The following COA1 variants were observed in gnomAD, a reference collection of about 807,000 sequenced individuals.
The protein encoded by COA1 is cytochrome c oxidase assembly factor 1.
COA1 carries 13 observed loss-of-function variants against 16.0 expected under a neutral mutation model. The observed-to-expected ratio is 0.81, with a 90% CI of 0.53 to 1.29. COA1 has a LOEUF of 1.29. COA1 is among the 50% of genes most tolerant of loss of function. COA1 has a pLI of 0.00. For missense variants in COA1, 179 were observed against 177.0 expected (o/e 1.01, Z -0.06); for synonymous variants, 65 against 65.7 (o/e 0.99, Z 0.05).
intron 1 of COA1, among the ~76,000 whole-genome samples, chr7:43,688,793 G>T (rs979110398): frequency 6.6e-6 from 1 of 152,216 alleles, no homozygotes; most frequent in Non-Finnish European, 1.5e-5. Context: ...ATAATAGCCA[G>T]TAGGAAAGAG....
chr7:43,609,074 A>G (rs2082660369), exon 7 of COA1: 1 of 152,324 alleles, frequency 6.6e-6, no homozygotes, highest in Non-Finnish European at 1.5e-5. Flanking sequence ...AAAACAAGGA[A>G]ATTTTAGTGG....
At chr7:43,675,193 AACG>A (rs1194542965) in intron 1 of COA1, among the ~76,000 whole-genome samples, 2 of 152,220 alleles carry the variant, frequency 1.3e-5, no homozygotes, top group Admixed American at 6.5e-5. Flanking sequence ...AATGTCCAAC[AACG>A]ATAGACTGGA....
chr7:43,678,701 T>C (rs1335290841), intron 1 of COA1, among the ~76,000 whole-genome samples: 2 of 152,066 alleles, frequency 1.3e-5, no homozygotes, highest in Non-Finnish European at 2.9e-5. Context: ...AATAGGCATA[T>C]GAAAAGATGC....
At chr7:43,669,697 A>G (rs1206353063) in intron 1 of COA1, among the ~76,000 whole-genome samples, 3 of 151,964 alleles carry the variant, frequency 2.0e-5, no homozygotes, top group Non-Finnish European at 4.4e-5. Flanking sequence ...ATCTTTGTAC[A>G]GGGGAGCTGT....
intron 1 of COA1, among the ~76,000 whole-genome samples, chr7:43,721,822 C>T (rs902665509): frequency 1.3e-5 from 2 of 151,492 alleles, no homozygotes; most frequent in East Asian, 1.9e-4. Flanking sequence ...ATACTCAGTA[C>T]CATGGGAAAA....
chr7:43,648,907 C>T (rs1212127229), intron 1 of COA1: 1 of 396,104 alleles, frequency 2.5e-6, no homozygotes. Flanking sequence ...ACCAAAGAAC[C>T]GGTGTGCACA....
chr7:43,696,188 G>A (rs1295811592), intron 1 of COA1, among the ~76,000 whole-genome samples: 2 of 152,084 alleles, frequency 1.3e-5, no homozygotes, highest in African/African-American at 2.4e-5. Flanking sequence ...AATAACAATC[G>A]CCAGTTTCTT....
chr7:43,715,927 T>TA (rs2095383058), intron 1 of COA1, among the ~76,000 whole-genome samples: 1 of 152,196 alleles, frequency 6.6e-6, no homozygotes. Context: ...CTGATGGTTT[T>TA]ATCAGGGGTT....
chr7:43,615,780 A>G (rs1000008037), intron 6 of COA1, among the ~76,000 whole-genome samples: 2 of 151,936 alleles, frequency 1.3e-5, no homozygotes, highest in African/African-American at 4.8e-5. Context: ...TACGGCCTCT[A>G]TACTTCTCTT....
At chr7:43,685,326 C>T (rs1466393317) in intron 1 of COA1, among the ~76,000 whole-genome samples, 1 of 152,138 alleles carries the variant, frequency 6.6e-6, no homozygotes, top group Non-Finnish European at 1.5e-5. Flanking sequence ...GACTTCTCAC[C>T]ATCATCTGGT....
chr7:43,724,863 A>G (rs2095581770), intron 1 of COA1, among the ~76,000 whole-genome samples: 1 of 152,268 alleles, frequency 6.6e-6, no homozygotes, highest in South Asian at 2.1e-4. Context: ...ATTCATAGAC[A>G]GAAAATATAA....
chr7:43,713,724 G>A (rs963451059), intron 1 of COA1, among the ~76,000 whole-genome samples: 2 of 151,970 alleles, frequency 1.3e-5, no homozygotes, highest in African/African-American at 4.8e-5. Context: ...GTAATCCTTG[G>A]GTATTTGCTT....
chr7:43,678,642 GGGAA>G (rs2093637417), intron 1 of COA1, among the ~76,000 whole-genome samples: 1 of 152,098 alleles, frequency 6.6e-6, no homozygotes, highest in Admixed American at 6.5e-5. Context: ...ATTCAAAAAT[GGGAA>G]GAGGATTTGA....
At chr7:43,617,749 G>A (rs1383031568) in intron 6 of COA1, among the ~76,000 whole-genome samples, 1 of 152,090 alleles carries the variant, frequency 6.6e-6, no homozygotes, top group Non-Finnish European at 1.5e-5. Context: ...TTAAGCCTTG[G>A]GTGCAGATCA....
At chr7:43,610,672 A>T (rs969582445) in intron 6 of COA1, among the ~76,000 whole-genome samples, 1 of 152,310 alleles carries the variant, frequency 6.6e-6, no homozygotes, top group African/African-American at 2.4e-5. Context: ...GTCTCAAAAA[A>T]AGAACTGCTA....
At chr7:43,657,477 TA>T (rs2091890066) in intron 1 of COA1, among the ~76,000 whole-genome samples, 1 of 152,190 alleles carries the variant, frequency 6.6e-6, no homozygotes, top group Non-Finnish European at 1.5e-5. Context: ...TCAATGAGAA[TA>T]AAACAAACTG....
chr7:43,691,474 AAAG>A (rs1491227148), intron 1 of COA1, among the ~76,000 whole-genome samples: 1 of 142,768 alleles, frequency 7.0e-6, no homozygotes, highest in Non-Finnish European at 1.5e-5. Flanking sequence ...AGAAAGAAAG[AAAG>A]AAATTATCAT....
intron 1 of COA1, among the ~76,000 whole-genome samples, chr7:43,709,224 C>T (rs1478206980): frequency 6.6e-6 from 1 of 152,038 alleles, no homozygotes; most frequent in Non-Finnish European, 1.5e-5. Flanking sequence ...GACGGGGTTT[C>T]ACCATGTTAG....
At chr7:43,717,927 T>C (rs528920861) in intron 1 of COA1, among the ~76,000 whole-genome samples, 38 of 152,340 alleles carry the variant, frequency 2.5e-4, no homozygotes, top group Admixed American at 4.6e-4. Context: ...CTGCCATCTA[T>C]GTAAGACAGG....
Sources: gnomAD v4.1 joint callset for allele counts (sites outside exome capture counted in the v4.1 genomes callset) on GRCh38, gnomAD v4.1.1 for gene constraint, MANE v1.5 for transcripts, NCBI Gene and HGNC (gene_info 2026-07-23, HGNC 2026-07-21) for gene names.